Variants in SMAD2 observed in about 807,000 individuals in gnomAD.
SMAD2 encodes SMAD family member 2, also known as MAD homolog 2.
Under a neutral mutation model 64.4 loss-of-function variants are expected in SMAD2, and 8 were observed. That is an observed-to-expected ratio of 0.12 (90% CI 0.07 to 0.22). SMAD2 has a LOEUF of 0.22. SMAD2 is among the 10% of genes least tolerant of loss of function. The pLI is 1.00. For missense variants in SMAD2, 289 were observed against 561.2 expected, an observed-to-expected ratio of 0.51 and a Z score of 4.90; for synonymous variants, 203 against 195.8, an observed-to-expected ratio of 1.04 and a Z score of -0.31.
chr18:47,893,530 C>T (rs1012648132), intron 2 of SMAD2, among the ~76,000 whole-genome samples: 2 of 152,140 alleles, frequency 1.3e-5, no homozygotes, highest in South Asian at 2.1e-4. Context: ...TCTGAGTAAA[C>T]GTGCTTACAA....
chr18:47,903,194 C>G (rs2033757615), intron 1 of SMAD2, among the ~76,000 whole-genome samples: 1 of 152,086 alleles, frequency 6.6e-6, no homozygotes, highest in African/African-American at 2.4e-5. Flanking sequence ...TGCGGTAGGA[C>G]AGGAAAGATG....
rs530649435 is a variant in SMAD2 at position 47,867,657 on chromosome 18, C to CA, written c.655+665dup. On this transcript the variant is annotated intron_variant, in intron 5 of 10. Coordinates refer to ENST00000262160, the MANE Select transcript of SMAD2 (RefSeq NM_005901.6). ...AAGTAACAAAGTATTAGTTGTTCTC[C>CA]AAAAAAAAAAAAAAGAAACCATAAA... 8.1e-3 allele frequency among the ~76,000 whole-genome samples: 766 copies of CA among 94,776 alleles called. 2 individuals are homozygous for CA. Among genetic ancestry groups the CA allele is most frequent in the East Asian group, 0.035 (123 of 3,486 alleles). 62.2% of individuals were successfully genotyped at this position (94,776 alleles called of 152,430 possible). A position where few individuals can be genotyped will look rare whatever the true frequency, so the allele number is the denominator to read the frequency against.
At position 47,820,178 on chromosome 18, in the gene SMAD2, A is replaced by C. The variant is rs1355650445; in HGVS notation, c.*21649T>G. The C allele has an allele frequency of 1.3e-5, 2 of 152,208 alleles. No individual in the cohort carries two copies. The highest frequency in any genetic ancestry group is 3.8e-4 in the East Asian group (2 of 5,200). 9.4% of individuals were successfully genotyped at this position (152,208 alleles called of 1,614,324 possible). A position where few individuals can be genotyped will look rare whatever the true frequency, so the allele number is the denominator to read the frequency against. ...GTTCTTGGCTTCCTAAATTATAGAAAGACTAAATATATTTGGGCCTATTAA... is the reference window on the plus strand; with the variant it reads ...GTTCTTGGCTTCCTAAATTATAGAACGACTAAATATATTTGGGCCTATTAA... On this transcript the variant is annotated 3_prime_UTR_variant, in exon 11 of 11. Transcript: ENST00000262160.
In SMAD2 at chr18:47,822,508, T is replaced by C. The variant is rs1466203782; in HGVS notation, c.*19319A>G. On this transcript the variant is annotated 3_prime_UTR_variant, in exon 11 of 11. Transcript: ENST00000262160. ...TAACTGAAGATGTGTCTGTGACTTT[T>C]ATTTGAAGCATTATTGTTTTTTTAC... The C allele has an allele frequency of 2.0e-5, 3 of 152,246 alleles. No homozygotes were observed. The highest frequency in any genetic ancestry group is 4.4e-5 in the Non-Finnish European group (3 of 68,044). The allele number at this position is 152,246 out of a possible 1,614,324, so 9.4% of individuals were successfully genotyped here. A position where few individuals can be genotyped will look rare whatever the true frequency, so the allele number is the denominator to read the frequency against.
At chr18:47,910,941 T>TA (rs1451911060) in intron 1 of SMAD2, among the ~76,000 whole-genome samples, 3 of 152,054 alleles carry the variant, frequency 2.0e-5, no homozygotes, top group African/African-American at 7.2e-5. Flanking sequence ...GTATATTTAC[T>TA]AAAAAAGAAA....
intron 2 of SMAD2, among the ~76,000 whole-genome samples, chr18:47,893,948 A>G (rs914694494): frequency 1.3e-5 from 2 of 152,202 alleles, no homozygotes; most frequent in Non-Finnish European, 2.9e-5. Flanking sequence ...CAACTTCATT[A>G]ATCAGGTGAG....
chr18:47,891,966 A>G (rs1180843923), intron 2 of SMAD2, among the ~76,000 whole-genome samples: 3 of 152,190 alleles, frequency 2.0e-5, no homozygotes, highest in African/African-American at 7.2e-5. Flanking sequence ...AATTTGGTCA[A>G]TTAATCTCTA....
intron 2 of SMAD2, among the ~76,000 whole-genome samples, chr18:47,870,840 C>T (rs540769705): frequency 6.6e-6 from 1 of 152,240 alleles, no homozygotes; most frequent in South Asian, 2.1e-4. Context: ...ACCTATAATG[C>T]CCTTACCACT....
At chr18:47,884,600 G>A (rs1158725451) in intron 2 of SMAD2, among the ~76,000 whole-genome samples, 1 of 152,106 alleles carries the variant, frequency 6.6e-6, no homozygotes, top group Non-Finnish European at 1.5e-5. Flanking sequence ...CACTGTAAGA[G>A]ACATTTTCTC....
rs1912186013 is a variant in SMAD2, at chr18:47,811,084, G to A, written c.*30743C>T. The A allele has an allele frequency of 6.6e-6, 1 of 152,262 alleles. No homozygotes were observed. Among genetic ancestry groups the A allele is most frequent in the African/African-American group, 2.4e-5 (1 of 41,442 alleles). 9.4% of individuals were successfully genotyped at this position (152,262 alleles called of 1,614,324 possible). ...CCCCAAGCCCCAAATGTGCAATAAAGAAAGTAAAAATTAGTTGCTGTCCAC... is the reference window on the plus strand; with the variant it reads ...CCCCAAGCCCCAAATGTGCAATAAAAAAAGTAAAAATTAGTTGCTGTCCAC... On this transcript the variant is annotated 3_prime_UTR_variant, in exon 11 of 11. Transcript: ENST00000262160.
At position 47,829,679 on chromosome 18, in the gene SMAD2, T is replaced by G. The variant is rs1171240552; in HGVS notation, c.*12148A>C. 2 of 152,230 alleles carry G rather than the reference T, an allele frequency of 1.3e-5. No individual in the cohort carries two copies. The highest frequency in any genetic ancestry group is 1.9e-4 in the East Asian group (1 of 5,202). The allele number at this position is 152,230 out of a possible 1,614,324, so 9.4% of individuals were successfully genotyped here. On this transcript the variant is annotated 3_prime_UTR_variant, in exon 11 of 11. Transcript: ENST00000262160. ...GAAGCAGTGCATAGGCAGTATGAAG[T>G]AGACACTTTGGCAAATAAAAACTGC...
At chr18:47,854,150 T>C (rs2030432342) in intron 6 of SMAD2, among the ~76,000 whole-genome samples, 1 of 151,740 alleles carries the variant, frequency 6.6e-6, no homozygotes, top group Non-Finnish European at 1.5e-5. Context: ...CATACATAAA[T>C]GCTGCTATTG....
At chr18:47,866,905 G>C (rs181364380) in intron 5 of SMAD2, 5 of 152,306 alleles carry the variant, frequency 3.3e-5, no homozygotes, top group Non-Finnish European at 7.3e-5. Context: ...ATCTTCACAA[G>C]TGAAAGCCAC....
intron 6 of SMAD2, among the ~76,000 whole-genome samples, chr18:47,856,497 A>G (rs931620422): frequency 6.6e-6 from 1 of 152,246 alleles, no homozygotes; most frequent in Non-Finnish European, 1.5e-5. Context: ...AATACAGACT[A>G]AAGTGTTCAC....
At chr18:47,892,198 ATTTTTTT>A (rs35136920) in intron 2 of SMAD2, among the ~76,000 whole-genome samples, 2 of 142,340 alleles carry the variant, frequency 1.4e-5, no homozygotes, top group African/African-American at 2.7e-5. Context: ...TTACCTAGAC[ATTTTTTT>A]TTTTTTTTTT....
At chr18:47,930,668 T>G (rs986731770), upstream of SMAD2, 1 of 149,074 alleles carries the variant, frequency 6.7e-6, no homozygotes, top group Admixed American at 6.6e-5. Context: ...GCGCCCGCGC[T>G]GCCCCTCCTC....
In SMAD2 at chr18:47,831,384, ATCT is replaced by A. The variant is rs1411494851; in HGVS notation, c.*10440_*10442del. ...ACCCTGGGCTTACTGTATTCTGCCC[ATCT>A]TCTTCCTGGACCAAACTGTTCAGAA... is the stretch of plus-strand genomic sequence containing the variant. On this transcript the variant is annotated 3_prime_UTR_variant, in exon 11 of 11. Transcript: ENST00000262160. The A allele has an allele frequency of 6.6e-6, 1 of 152,226 alleles. No individual in the cohort carries two copies. Among genetic ancestry groups the A allele is most frequent in the African/African-American group, 2.4e-5 (1 of 41,456 alleles). The allele number at this position is 152,226 out of a possible 1,614,324, so 9.4% of individuals were successfully genotyped here.
chr18:47,853,228 G>A lies in SMAD2; in HGVS notation c.731-1901C>T, dbSNP rs530408206. The A allele has an allele frequency of 1.5e-3, 332 of 227,474 alleles. 13 individuals carry two copies. The highest frequency in any genetic ancestry group is 8.0e-3 in the African/African-American group (321 of 39,974). 14.1% of individuals were successfully genotyped at this position (227,474 alleles called of 1,614,324 possible). A position where few individuals can be genotyped will look rare whatever the true frequency, so the allele number is the denominator to read the frequency against. ...ACCTGTAATCCCAGCTACTCGGAAG[G>A]CTAAGGCAGAAGAATGGCCGTAGTA... is the stretch of plus-strand genomic sequence containing the variant. On this transcript the variant is annotated intron_variant, in intron 6 of 10. Coordinates refer to ENST00000262160, the MANE Select transcript of SMAD2 (RefSeq NM_005901.6).
intron 6 of SMAD2, among the ~76,000 whole-genome samples, chr18:47,861,692 T>TA (rs1491337600): frequency 1.3e-5 from 2 of 152,220 alleles, no homozygotes; most frequent in African/African-American, 4.8e-5. Context: ...CTTACTTTCC[T>TA]ATTTTATAGA....
Sources: gnomAD v4.1 joint callset for allele counts (sites outside exome capture counted in the v4.1 genomes callset) on GRCh38, gnomAD v4.1.1 for gene constraint, MANE v1.5 for transcripts, NCBI Gene and HGNC (gene_info 2026-07-23, HGNC 2026-07-21) for gene names.